Variants in DNAH12 observed in about 807,000 individuals in gnomAD.
DNAH12 encodes the protein dynein axonemal heavy chain 12.
A neutral mutation model predicts 371.5 loss-of-function variants in DNAH12; 285 were observed. The observed-to-expected ratio is 0.77, with a 90% CI of 0.70 to 0.85. DNAH12 has a LOEUF of 0.85. DNAH12 is among the 40% of genes least tolerant of loss of function. The pLI, the probability that DNAH12 is intolerant of heterozygous loss-of-function variation, is 0.00. For missense variants in DNAH12, 3,611 were observed against 3,689.4 expected, an observed-to-expected ratio of 0.98 and a Z score of 0.55; for synonymous variants, 1,200 against 1,213.0, an observed-to-expected ratio of 0.99 and a Z score of 0.22.
At chr3:57,370,277 A>T (rs1461187280) in intron 55 of DNAH12, among the ~76,000 whole-genome samples, 1 of 152,258 alleles carries the variant, frequency 6.6e-6, no homozygotes, top group Admixed American at 6.5e-5. Flanking sequence ...TAGCAAAATC[A>T]GAGCTTAAGA....
At chr3:57,419,346 G>C (rs2064491607) in intron 37 of DNAH12, 21 bp downstream of exon 37, 2 of 1,474,278 alleles carry the variant, frequency 1.4e-6, no homozygotes, top group Non-Finnish European at 1.8e-6. Context: ...CAAAATGCTT[G>C]TTTATAGCAG....
chr3:57,481,199 G>A (rs1156334792), intron 13 of DNAH12, among the ~76,000 whole-genome samples: 1 of 152,194 alleles, frequency 6.6e-6, no homozygotes, highest in Non-Finnish European at 1.5e-5. Flanking sequence ...ATCTCCTTAA[G>A]CTGATAGGTA....
chr3:57,302,683 C>A (rs1455345259), intron 69 of DNAH12, among the ~76,000 whole-genome samples: 1 of 141,202 alleles, frequency 7.1e-6, no homozygotes, highest in East Asian at 2.3e-4. Flanking sequence ...TCAAGCAATT[C>A]TCCTGCCTCA....
chr3:57,415,977 C>T (rs543090917), intron 37 of DNAH12, among the ~76,000 whole-genome samples: 4 of 151,664 alleles, frequency 2.6e-5, no homozygotes, highest in Admixed American at 6.6e-5. Context: ...TTAGTAGAGA[C>T]GGGTTTCACC....
chr3:57,495,753 A>G (rs985041148), intron 11 of DNAH12, among the ~76,000 whole-genome samples: 9 of 144,006 alleles, frequency 6.2e-5, no homozygotes, highest in African/African-American at 2.0e-4. Flanking sequence ...ATATTTTTAT[A>G]TATTTATATA....
intron 68 of DNAH12, 132 bp downstream of exon 68, chr3:57,309,534 T>G: frequency 1.1e-6 from 1 of 895,700 alleles, no homozygotes; most frequent in Non-Finnish European, 1.6e-6. Flanking sequence ...ATTTAACGGA[T>G]TTGGAGGCTA....
intron 2 of DNAH12, among the ~76,000 whole-genome samples, chr3:57,539,547 C>T (rs1181262046): frequency 1.3e-5 from 2 of 152,070 alleles, no homozygotes; most frequent in Non-Finnish European, 2.9e-5. Flanking sequence ...ATTACCTCCA[C>T]AGGCCTTTCC....
rs532783555 is a variant in DNAH12 at position 57,326,149 on chromosome 3, A to C, written c.9979-2530T>G. Among the ~76,000 whole-genome samples the C allele has an allele frequency of 3.1e-4, 47 of 152,258 alleles. 1 individual carries two copies. Among genetic ancestry groups the C allele is most frequent in the Admixed American group, 2.6e-3 (40 of 15,288 alleles). ...GAAAACACTCTGCAGGATATTATCC[A>C]GGAGAACTTCCCCAATCTAGCAAGG... On this transcript the variant is annotated intron_variant, in intron 62 of 73. Transcript: ENST00000495027.
intron 11 of DNAH12, among the ~76,000 whole-genome samples, chr3:57,499,440 G>C (rs933130029): frequency 4.7e-5 from 7 of 150,524 alleles, no homozygotes; most frequent in Admixed American, 2.7e-4. Context: ...GGGATGGAAT[G>C]ACAAATAAAT....
chr3:57,528,666 C>T (rs182191068), intron 2 of DNAH12, among the ~76,000 whole-genome samples: 3,471 of 148,716 alleles, frequency 0.023, 140 homozygotes, highest in African/African-American at 0.079. Context: ...GCGGAGGTTG[C>T]GGTGAGCCGA....
At chr3:57,441,463 G>A (rs1474122605) in intron 29 of DNAH12, among the ~76,000 whole-genome samples, 3 of 152,130 alleles carry the variant, frequency 2.0e-5, no homozygotes, top group Non-Finnish European at 2.9e-5. Flanking sequence ...AGTTCCGGAA[G>A]GAGAGAGGAG....
rs1559563376 is a variant in DNAH12 at position 57,335,087 on chromosome 3, A to C, written c.9675-147T>G. The C allele has an allele frequency of 4.6e-6, 4 of 872,224 alleles. No homozygotes were observed. The East Asian group carries it at 1.1e-4, about 24-fold the overall frequency. The allele number at this position is 872,224 out of a possible 1,614,324, so 54.0% of individuals were successfully genotyped here. A position where few individuals can be genotyped will look rare whatever the true frequency, so the allele number is the denominator to read the frequency against. On this transcript the variant is annotated intron_variant, in intron 60 of 73. Transcript: ENST00000495027. Reference sequence around the variant, plus strand: ...ACTAGAAAACTGGACAAAATTAATGAAACAACTGTTTTTTTGAAATTGTTC... The same window carrying C: ...ACTAGAAAACTGGACAAAATTAATGCAACAACTGTTTTTTTGAAATTGTTC...
At chr3:57,448,602 T>A (rs890588861) in intron 25 of DNAH12, among the ~76,000 whole-genome samples, 2 of 152,238 alleles carry the variant, frequency 1.3e-5, no homozygotes, top group African/African-American at 4.8e-5. Context: ...CAGCGTGGAA[T>A]AGAACCCGAC....
chr3:57,485,872 TAC>T (rs915020400), intron 12 of DNAH12, among the ~76,000 whole-genome samples: 2 of 152,056 alleles, frequency 1.3e-5, no homozygotes, highest in Admixed American at 1.3e-4. Context: ...TACATATTGG[TAC>T]AGTGTACACT....
At chr3:57,434,976 A>G (rs2065073618) in intron 30 of DNAH12, among the ~76,000 whole-genome samples, 1 of 152,170 alleles carries the variant, frequency 6.6e-6, no homozygotes, top group South Asian at 2.1e-4. Context: ...CAACTGGTAA[A>G]AGATAAAATT....
At chr3:57,418,730 G>A (rs2064471675) in intron 37 of DNAH12, among the ~76,000 whole-genome samples, 1 of 151,780 alleles carries the variant, frequency 6.6e-6, no homozygotes, top group African/African-American at 2.4e-5. Flanking sequence ...AATGCATTCA[G>A]GAACAGCTTC....
chr3:57,524,413 A>G (rs916830600), intron 2 of DNAH12, among the ~76,000 whole-genome samples: 1 of 152,184 alleles, frequency 6.6e-6, no homozygotes, highest in Non-Finnish European at 1.5e-5. Flanking sequence ...AAAACTGTTA[A>G]GAGATTTTTT....
Position 57,322,365 on chromosome 3 carries a change from T to G in DNAH12, c.10502A>C (p.Lys3501Thr), listed in dbSNP as rs1410450435. Residue 3501 changes from lysine to threonine, a missense_variant, in exon 65 of 74, where the codon AAG becomes ACG. Coordinates refer to ENST00000495027, the MANE Select transcript of DNAH12 (RefSeq NM_001366028.2). ...TACCAGTTCCTTTCCACGGCATCCC[T>G]TGAAAAACTCAGGATCAGAAACTGG... ...TDPVSDPEFFKGCRGKELAWE... is the reference protein window; with the variant it reads ...TDPVSDPEFFTGCRGKELAWE... 1.9e-6 allele frequency: 3 copies of G among 1,551,584 alleles called. No homozygotes were observed. The highest frequency in any genetic ancestry group is 2.6e-6 in the Non-Finnish European group (3 of 1,146,898).
rs375511888 is a variant in DNAH12, at chr3:57,409,629, G to A, written c.6021-1094C>T. Among the ~76,000 whole-genome samples, 18 of 151,952 alleles carry A rather than the reference G, an allele frequency of 1.2e-4. No individual in the cohort carries two copies. In the South Asian group the frequency reaches 2.9e-3, roughly 25 times the overall value. ...AGAGTGACTATCTTCTGAGATAATCGCAGTGATTATCTCAACAATGGTTAT... is the reference window on the plus strand; with the variant it reads ...AGAGTGACTATCTTCTGAGATAATCACAGTGATTATCTCAACAATGGTTAT... On this transcript the variant is annotated intron_variant, in intron 39 of 73. Coordinates refer to ENST00000495027, the MANE Select transcript of DNAH12 (RefSeq NM_001366028.2).
Sources: allele counts gnomAD v4.1 joint callset (sites outside exome capture counted in the v4.1 genomes callset), GRCh38; gene constraint gnomAD v4.1.1; transcripts MANE v1.5; gene names NCBI Gene and HGNC (gene_info 2026-07-23, HGNC 2026-07-21).